PHF24: variants seen among roughly 807,000 people sequenced by gnomAD.
PHF24 encodes the protein PHD finger protein 24.
A neutral mutation model predicts 42.6 loss-of-function variants in PHF24; 25 were observed. That is an observed-to-expected ratio of 0.59 (90% CI 0.43 to 0.82). The LOEUF (loss-of-function observed/expected upper bound fraction) is 0.82, where lower values mean the gene tolerates loss of function less well. Among genes scored for constraint, PHF24 ranks in the 40% least tolerant of loss-of-function variants. The pLI, the probability that PHF24 is intolerant of heterozygous loss-of-function variation, is 0.00. For synonymous variants in PHF24, 185 were observed against 204.8 expected (o/e 0.90, Z 0.83); for missense variants, 470 against 538.1 (o/e 0.87, Z 1.25).
chr9:34,728,130 G>T, the PHF24 span: 1 of 1,515,118 alleles, frequency 6.6e-7, no homozygotes, highest in Non-Finnish European at 8.9e-7. Flanking sequence ...AATTTCATAG[G>T]CATCCTATAG....
chr9:34,726,673 C>G, the PHF24 span: 1 of 1,551,536 alleles, frequency 6.4e-7, no homozygotes, highest in East Asian at 2.4e-5. Flanking sequence ...CATCTGCATA[C>G]GTTGACTGGG....
At chr9:34,859,475 CTT>C in the PHF24 span, among the ~76,000 whole-genome samples, 1 of 152,096 alleles carries the variant, frequency 6.6e-6, no homozygotes, top group Non-Finnish European at 1.5e-5. Flanking sequence ...TTGAATATGG[CTT>C]TTTCTCTTTT....
At chr9:34,666,530 G>C in the PHF24 span, among the ~76,000 whole-genome samples, 2 of 151,000 alleles carry the variant, frequency 1.3e-5, no homozygotes. Flanking sequence ...TTCCTCTCTG[G>C]TCTGAGACCT....
the PHF24 span, chr9:34,724,564 G>A: frequency 4.5e-6 from 7 of 1,543,520 alleles, no homozygotes; most frequent in African/African-American, 6.9e-5. Flanking sequence ...TCAGGTGGAA[G>A]TTTAGTTTGG....
At chr9:34,922,968 G>T in the PHF24 span, 7 of 1,179,400 alleles carry the variant, frequency 5.9e-6, no homozygotes, top group East Asian at 9.8e-5. Context: ...GCATGGCCTC[G>T]CCCCAGTCTA....
chr9:34,883,132 A>G, the PHF24 span, among the ~76,000 whole-genome samples: 3 of 152,248 alleles, frequency 2.0e-5, no homozygotes, highest in Admixed American at 6.5e-5. Flanking sequence ...CCTATTTAAT[A>G]GATGGTGCTG....
the PHF24 span, among the ~76,000 whole-genome samples, chr9:34,880,997 A>C: frequency 6.6e-6 from 1 of 152,342 alleles, no homozygotes; most frequent in East Asian, 1.9e-4. Flanking sequence ...AACAGAAATT[A>C]TAACAAATTG....
the PHF24 span, among the ~76,000 whole-genome samples, chr9:34,919,510 C>CT: frequency 8.8e-3 from 1,329 of 151,478 alleles, 11 homozygotes; most frequent in African/African-American, 0.03. Flanking sequence ...ATGAGATCAA[C>CT]TTTTTTTTTA....
At chr9:34,812,941 C>T in the PHF24 span, among the ~76,000 whole-genome samples, 11 of 152,286 alleles carry the variant, frequency 7.2e-5, no homozygotes, top group East Asian at 2.1e-3. Context: ...TCCTCTTGCC[C>T]CATCCCCCAC....
At chr9:34,700,740 T>C in the PHF24 span, among the ~76,000 whole-genome samples, 1 of 151,676 alleles carries the variant, frequency 6.6e-6, no homozygotes, top group African/African-American at 2.4e-5. Context: ...AGAGAGTGAG[T>C]GTAGATAGAA....
the PHF24 span, among the ~76,000 whole-genome samples, chr9:34,694,512 T>C: frequency 6.6e-6 from 1 of 152,132 alleles, no homozygotes; most frequent in Non-Finnish European, 1.5e-5. Flanking sequence ...TTTGTATTTT[T>C]AGTAGAGATG....
At chr9:34,805,300 C>A in the PHF24 span, among the ~76,000 whole-genome samples, 4 of 152,210 alleles carry the variant, frequency 2.6e-5, no homozygotes, top group Non-Finnish European at 4.4e-5. Flanking sequence ...TCCAAAGCAA[C>A]TGCACCATTT....
the PHF24 span, among the ~76,000 whole-genome samples, chr9:34,875,940 ACACACACACACTCTCTCTCTCTCTCT>A: frequency 4.5e-5 from 4 of 89,224 alleles, no homozygotes; most frequent in African/African-American, 1.4e-4. Context: ...ACACACACAC[ACACACACACACTCTCTCTCTCTCTCT>A]CTCTCTCTCT....
chr9:34,730,186 T>C, the PHF24 span, among the ~76,000 whole-genome samples: 1 of 152,254 alleles, frequency 6.6e-6, no homozygotes, highest in Non-Finnish European at 1.5e-5. Context: ...GTTGGATGTA[T>C]GCTGTTTGCC....
At chr9:34,707,243 A>G in the PHF24 span, among the ~76,000 whole-genome samples, 1 of 152,200 alleles carries the variant, frequency 6.6e-6, no homozygotes, top group Admixed American at 6.5e-5. Flanking sequence ...TGTGGAGTCT[A>G]GGACTTGAAG....
At chr9:34,972,565 G>A (rs201928227) in intron 3 of PHF24, 34 bp downstream of exon 3, 191 of 1,546,900 alleles carry the variant, frequency 1.2e-4, no homozygotes, top group Non-Finnish European at 1.6e-4. Context: ...CAGAGGACTT[G>A]GCACTTTTCC....
the PHF24 span, chr9:34,723,143 G>A: frequency 7.0e-7 from 1 of 1,434,848 alleles, no homozygotes; most frequent in Non-Finnish European, 9.3e-7. Context: ...GAGGGCTGCA[G>A]CAGTTGGGGA....
the PHF24 span, among the ~76,000 whole-genome samples, chr9:34,925,808 A>G: frequency 6.6e-6 from 1 of 152,030 alleles, no homozygotes. Context: ...GGGGCCTGTT[A>G]CTAGAGAATT....
At chr9:34,966,853 C>A (rs1184917848) in intron 1 of PHF24, among the ~76,000 whole-genome samples, 1 of 152,114 alleles carries the variant, frequency 6.6e-6, no homozygotes, top group African/African-American at 2.4e-5. Flanking sequence ...AGGAGCAAAT[C>A]ACCATGCCCA....
Sources: gnomAD v4.1 joint callset for allele counts (sites outside exome capture counted in the v4.1 genomes callset) on GRCh38, gnomAD v4.1.1 for gene constraint, MANE v1.5 for transcripts, NCBI Gene and HGNC (gene_info 2026-07-23, HGNC 2026-07-21) for gene names.